Variants in CDK6 observed in about 807,000 individuals in gnomAD.
CDK6 encodes cyclin dependent kinase 6.
A neutral mutation model predicts 37.1 loss-of-function variants in CDK6; 6 were observed. That is an observed-to-expected ratio of 0.16 (90% CI 0.09 to 0.32). CDK6 has a LOEUF of 0.32. Among genes scored for constraint, CDK6 ranks in the 10% least tolerant of loss-of-function variants. The pLI is 1.00. For missense variants in CDK6, 224 were observed against 418.9 expected, an observed-to-expected ratio of 0.53 and a Z score of 4.06; for synonymous variants, 160 against 161.3, an observed-to-expected ratio of 0.99 and a Z score of 0.06.
intron 5 of CDK6, among the ~76,000 whole-genome samples, chr7:92,640,422 G>C (rs1015245899): frequency 1.3e-5 from 2 of 152,120 alleles, no homozygotes; most frequent in Non-Finnish European, 1.5e-5. Context: ...AAAGAAGGAT[G>C]GTATAGCACA....
At chr7:92,656,130 A>C (rs1045564426) in intron 5 of CDK6, among the ~76,000 whole-genome samples, 1 of 152,136 alleles carries the variant, frequency 6.6e-6, no homozygotes, top group Admixed American at 6.6e-5. Flanking sequence ...GAGAAGGAGG[A>C]GAACAGGAGC....
At chr7:92,725,204 A>G (rs1798482147) in intron 4 of CDK6, 1 of 985,296 alleles carries the variant, frequency 1.0e-6, no homozygotes, top group African/African-American at 1.7e-5. Context: ...TGAGTGCATT[A>G]ACAAACCTGT....
chr7:92,726,923 C>G (rs1026755221), intron 3 of CDK6, among the ~76,000 whole-genome samples: 1 of 152,174 alleles, frequency 6.6e-6, no homozygotes, highest in Non-Finnish European at 1.5e-5. Flanking sequence ...CATTGTAAAG[C>G]ACTTAGCACC....
chr7:92,694,361 T>C (rs1297637666), intron 4 of CDK6, among the ~76,000 whole-genome samples: 1 of 152,204 alleles, frequency 6.6e-6, no homozygotes, highest in Non-Finnish European at 1.5e-5. Flanking sequence ...AAATAAATTC[T>C]ACATGCTCAG....
At chr7:92,776,064 C>T (rs1358953304) in intron 2 of CDK6, among the ~76,000 whole-genome samples, 1 of 150,044 alleles carries the variant, frequency 6.7e-6, no homozygotes, top group Non-Finnish European at 1.5e-5. Flanking sequence ...CTCCCCTAAC[C>T]CCCCCACCCC....
chr7:92,622,830 A>C (rs1056966976), intron 6 of CDK6, among the ~76,000 whole-genome samples: 16 of 152,110 alleles, frequency 1.1e-4, no homozygotes, highest in Admixed American at 6.6e-5. Context: ...GCAACATACA[A>C]GCTTCCAGAG....
chr7:92,643,340 G>T (rs182575887), intron 5 of CDK6, among the ~76,000 whole-genome samples: 38 of 152,334 alleles, frequency 2.5e-4, no homozygotes, highest in Middle Eastern at 3.4e-3. Flanking sequence ...GAACAGGTTT[G>T]CCATTATAGC....
intron 5 of CDK6, among the ~76,000 whole-genome samples, chr7:92,669,816 A>G (rs1372972262): frequency 6.6e-6 from 1 of 152,224 alleles, no homozygotes; most frequent in Non-Finnish European, 1.5e-5. Context: ...ACTGTCATCC[A>G]ACCCAGGGGT....
chr7:92,616,414 C>G (rs2116480168), intron 7 of CDK6, among the ~76,000 whole-genome samples: 1 of 152,282 alleles, frequency 6.6e-6, no homozygotes, highest in African/African-American at 2.4e-5. Context: ...CCTCTGAAAT[C>G]TGATTTATCC....
Position 92,787,382 on chromosome 7 carries a change from C to G in CDK6, c.234-12551G>C, listed in dbSNP as rs546119829. Among the ~76,000 whole-genome samples the G allele has an allele frequency of 1.2e-4, 18 of 152,148 alleles. No individual in the cohort carries two copies. The South Asian group carries it at 3.7e-3, about 32-fold the overall frequency. Reference sequence around the variant, plus strand: ...ATTCAGATTTTTTTCTCCTACCACTCACGTACTTTTCTTCAATCTGTTCCT... The same window carrying G: ...ATTCAGATTTTTTTCTCCTACCACTGACGTACTTTTCTTCAATCTGTTCCT... On this transcript the variant is annotated intron_variant, in intron 2 of 7. Coordinates refer to ENST00000424848, the MANE Select transcript of CDK6 (RefSeq NM_001145306.2).
chr7:92,803,734 A>G (rs1008538641), intron 2 of CDK6, among the ~76,000 whole-genome samples: 6 of 152,166 alleles, frequency 3.9e-5, no homozygotes, highest in Non-Finnish European at 7.3e-5. Context: ...CCCAAACGAG[A>G]GAGAGAAAAA....
At chr7:92,732,450 T>C (rs1410897747) in intron 3 of CDK6, among the ~76,000 whole-genome samples, 1 of 152,168 alleles carries the variant, frequency 6.6e-6, no homozygotes, top group African/African-American at 2.4e-5. Context: ...ATGGCTGCAA[T>C]TGGACAAAAT....
chr7:92,610,527 T>C lies in CDK6; in HGVS notation c.*4613A>G, dbSNP rs1376887003. 2 of 229,802 alleles carry C rather than the reference T, an allele frequency of 8.7e-6. No individual in the cohort carries two copies. The highest frequency in any genetic ancestry group is 6.2e-5 in the East Asian group (1 of 16,018). 14.2% of individuals were successfully genotyped at this position (229,802 alleles called of 1,614,324 possible). Reference sequence around the variant, plus strand: ...GATAGAGAGACCAAAGGATTATTTTTGGTTTATTTTCTGAAAAAGTACAAG... The same window carrying C: ...GATAGAGAGACCAAAGGATTATTTTCGGTTTATTTTCTGAAAAAGTACAAG... On this transcript the variant is annotated 3_prime_UTR_variant, in exon 8 of 8. Transcript: ENST00000424848.
chr7:92,714,603 T>C (rs910341038), intron 4 of CDK6, among the ~76,000 whole-genome samples: 3 of 152,168 alleles, frequency 2.0e-5, no homozygotes, highest in African/African-American at 7.2e-5. Context: ...GTCTTGTCTT[T>C]CCAGGAAAAA....
chr7:92,834,098 G>A lies in CDK6; in HGVS notation c.-367-408C>T, dbSNP rs998037482. 2.6e-5 allele frequency among the ~76,000 whole-genome samples: 4 copies of A among 152,020 alleles called. No individual in the cohort carries two copies. The highest frequency in any genetic ancestry group is 1.3e-4 in the Admixed American group (2 of 15,266). On this transcript the variant is annotated intron_variant, in intron 1 of 7. Transcript: ENST00000424848. This position sits in a 1 kb window ranked among gnomAD's most constrained non-coding sequence, Gnocchi z 4.6. ...CGCCGCTACCCTCCCCGCCTCCTGA[G>A]GCCCGGACGTGCAGGGAGACGGGGT...
At chr7:92,711,223 G>C (rs1163141175) in intron 4 of CDK6, among the ~76,000 whole-genome samples, 2 of 152,064 alleles carry the variant, frequency 1.3e-5, no homozygotes, top group Non-Finnish European at 2.9e-5. Context: ...GTTCATCCTG[G>C]GAGACTGGGT....
At chr7:92,725,934 T>C in intron 3 of CDK6, 141 bp from the exon 4 acceptor site, 1 of 654,030 alleles carries the variant, frequency 1.5e-6, no homozygotes, top group Non-Finnish European at 2.6e-6. Context: ...AATGAGTGAA[T>C]TGTCTCCCTT....
At chr7:92,829,902 A>T (rs887127808) in intron 2 of CDK6, among the ~76,000 whole-genome samples, 2 of 152,282 alleles carry the variant, frequency 1.3e-5, no homozygotes, top group African/African-American at 2.4e-5. Flanking sequence ...GGCAAGTTCT[A>T]CAAGTGCGGA....
At chr7:92,659,635 C>CACCA (rs1481618058) in intron 5 of CDK6, among the ~76,000 whole-genome samples, 1 of 147,370 alleles carries the variant, frequency 6.8e-6, no homozygotes, top group Non-Finnish European at 1.5e-5. Context: ...CACACACACA[C>CACCA]CACACACACA....
Sources: allele counts gnomAD v4.1 joint callset (sites outside exome capture counted in the v4.1 genomes callset), GRCh38; gene constraint gnomAD v4.1.1; non-coding constraint Gnocchi (gnomAD v3.1); transcripts MANE v1.5; gene names NCBI Gene and HGNC (gene_info 2026-07-23, HGNC 2026-07-21).